Variants in DZIP1L observed in about 807,000 individuals in gnomAD.
The protein encoded by DZIP1L is cilium assembly protein DZIP1L.
In DZIP1L, 90 loss-of-function variants were observed where a neutral mutation model predicts 88.7. The ratio of observed to expected loss-of-function variants is 1.02; its 90% CI spans 0.86 to 1.21. The LOEUF is 1.21. DZIP1L is among the 50% of genes most tolerant of loss of function. DZIP1L has a pLI of 0.00. For synonymous variants in DZIP1L, 363 were observed against 372.1 expected (o/e 0.98, Z 0.28); for missense variants, 932 against 955.8 (o/e 0.98, Z 0.33).
At chr3:138,086,573 C>T (rs547649628) in intron 7 of DZIP1L, among the ~76,000 whole-genome samples, 5 of 152,298 alleles carry the variant, frequency 3.3e-5, no homozygotes, top group South Asian at 4.1e-4. Context: ...CTGAGGCCCA[C>T]AGCCGCCTGG....
rs78678812 is a variant in DZIP1L, at chr3:138,096,591, T to C, written c.586+1172A>G. 9.8e-3 allele frequency among the ~76,000 whole-genome samples: 1,499 copies of C among 152,374 alleles called. 20 individuals are homozygous for C. Among genetic ancestry groups the C allele is most frequent in the African/African-American group, 0.034 (1,408 of 41,578 alleles). ...ACACCAAAATATTAACTGCTGGTGA[T>C]ACCATCCATGGTTTTTATTTTCTCT... On this transcript the variant is annotated intron_variant, in intron 3 of 15. Coordinates refer to ENST00000327532, the MANE Select transcript of DZIP1L (RefSeq NM_173543.3).
At chr3:138,069,419 C>G (rs921194711) in intron 12 of DZIP1L, among the ~76,000 whole-genome samples, 1 of 152,132 alleles carries the variant, frequency 6.6e-6, no homozygotes, top group African/African-American at 2.4e-5. Flanking sequence ...AAAAGTTACA[C>G]GCAAATTTTC....
rs540709843 is a variant in DZIP1L, at chr3:138,073,866, G to A, written c.1423-2031C>T. On this transcript the variant is annotated intron_variant, in intron 11 of 15. Coordinates refer to ENST00000327532, the MANE Select transcript of DZIP1L (RefSeq NM_173543.3). The stretch of plus-strand genomic sequence containing the variant: ...TTTAGTGAAATAGCATAAATAAAAA[G>A]TTATCACAACTTCTGGAAATCAAAA... 5.2e-4 allele frequency among the ~76,000 whole-genome samples: 79 copies of A among 152,166 alleles called. 1 individual carries two copies. The highest frequency in any genetic ancestry group is 4.8e-3 in the Admixed American group (73 of 15,264).
intron 2 of DZIP1L, among the ~76,000 whole-genome samples, chr3:138,100,741 G>A (rs968881613): frequency 1.4e-4 from 22 of 152,192 alleles, no homozygotes; most frequent in African/African-American, 4.8e-4. Flanking sequence ...CCATCCATCC[G>A]TAAACTATGA....
intron 2 of DZIP1L, among the ~76,000 whole-genome samples, chr3:138,100,547 G>A (rs1369896958): frequency 6.6e-6 from 1 of 152,208 alleles, no homozygotes; most frequent in African/African-American, 2.4e-5. Context: ...AGGAGGCCCA[G>A]GTATCTGAAG....
At chr3:138,101,463 G>A in intron 2 of DZIP1L, 1 of 752,266 alleles carries the variant, frequency 1.3e-6, no homozygotes, top group East Asian at 2.4e-5. Context: ...GGCTGGGAGG[G>A]GCTGCCACAG....
chr3:138,067,972 G>T (rs1942989465), intron 13 of DZIP1L, among the ~76,000 whole-genome samples, 179 bp downstream of exon 13: 1 of 152,178 alleles, frequency 6.6e-6, no homozygotes. Context: ...GTTTGTCTTG[G>T]CTGGGAGCAC....
Position 138,080,597 on chromosome 3 carries a change from C to T in DZIP1L, c.1258G>A (p.Val420Met). Residue 420 changes from valine to methionine, a missense_variant, in exon 10 of 16, where the codon GTG becomes ATG. Transcript: ENST00000327532. Reference sequence around the variant, plus strand: ...TCTGGAGAGTCCTCCTCTGTGTCCACAGCCTTTGGCACCTTGTGGATCCCT... The same window carrying T: ...TCTGGAGAGTCCTCCTCTGTGTCCATAGCCTTTGGCACCTTGTGGATCCCT... ...VEGIHKVPKA[V>M]DTEEDSPEEE... 1 of 1,613,806 alleles carries T rather than the reference C, an allele frequency of 6.2e-7. No individual in the cohort carries two copies.
chr3:138,103,434 G>A, intron 2 of DZIP1L, 37 bp downstream of exon 2: 1 of 1,561,332 alleles, frequency 6.4e-7, no homozygotes, highest in Non-Finnish European at 8.7e-7. Flanking sequence ...GGGGCACACA[G>A]CCCTCCCACT....
intron 11 of DZIP1L, among the ~76,000 whole-genome samples, chr3:138,077,034 AC>A (rs1943445919): frequency 1.3e-5 from 2 of 152,300 alleles, no homozygotes; most frequent in African/African-American, 4.8e-5. Context: ...AAAAAAAAAA[AC>A]AAATAATTGG....
At chr3:138,107,456 T>C (rs1435677687) in intron 1 of DZIP1L, among the ~76,000 whole-genome samples, 5 of 152,252 alleles carry the variant, frequency 3.3e-5, no homozygotes, top group African/African-American at 1.2e-4. Flanking sequence ...GACTTGATAT[T>C]GGACTTAAGC....
chr3:138,062,160 A>C lies in DZIP1L; in HGVS notation c.*656T>G, dbSNP rs1576423429. Reference sequence around the variant, plus strand: ...AGCCAAGTGGCCATCCTCCCTTCCCACCCATGAGTAGGCCTGCCACATATC... The same window carrying C: ...AGCCAAGTGGCCATCCTCCCTTCCCCCCCATGAGTAGGCCTGCCACATATC... On this transcript the variant is annotated 3_prime_UTR_variant, in exon 16 of 16. Coordinates refer to ENST00000327532, the MANE Select transcript of DZIP1L (RefSeq NM_173543.3). 1 of 152,358 alleles carries C rather than the reference A, an allele frequency of 6.6e-6. No homozygotes were observed. The allele number at this position is 152,358 out of a possible 1,614,324, so 9.4% of individuals were successfully genotyped here.
chr3:138,109,208 C>T (rs79537489), intron 1 of DZIP1L, among the ~76,000 whole-genome samples: 4,423 of 152,318 alleles, frequency 0.029, 228 homozygotes, highest in African/African-American at 0.1. Context: ...CACACTTTCA[C>T]ACTTCTGGGC....
chr3:138,097,672 T>C lies in DZIP1L; in HGVS notation c.586+91A>G, dbSNP rs1165271646. On this transcript the variant is annotated intron_variant, in intron 3 of 15. Coordinates refer to ENST00000327532, the MANE Select transcript of DZIP1L (RefSeq NM_173543.3). ...GGACAGTGAGGTTCTGAGAGCAGTTTTGGGTGCTATAGGTGGTCACCACCC... is the reference window on the plus strand; with the variant it reads ...GGACAGTGAGGTTCTGAGAGCAGTTCTGGGTGCTATAGGTGGTCACCACCC... The C allele has an allele frequency of 2.5e-6, 3 of 1,192,428 alleles. No homozygotes were observed. The East Asian group carries it at 7.7e-5, about 31-fold the overall frequency. 73.9% of individuals were successfully genotyped at this position (1,192,428 alleles called of 1,614,324 possible).
At chr3:138,069,729 C>G (rs1327956337) in intron 12 of DZIP1L, among the ~76,000 whole-genome samples, 4 of 152,158 alleles carry the variant, frequency 2.6e-5, no homozygotes, top group East Asian at 1.9e-4. Context: ...GAATACAAAC[C>G]CAGGTTGTCT....
intron 1 of DZIP1L, among the ~76,000 whole-genome samples, chr3:138,105,820 T>C (rs907462918): frequency 6.6e-6 from 1 of 152,160 alleles, no homozygotes; most frequent in Admixed American, 6.5e-5. Flanking sequence ...TTATAATTCA[T>C]ATGTATGATT....
chr3:138,062,678 C>G lies in DZIP1L; in HGVS notation c.*138G>C. On this transcript the variant is annotated 3_prime_UTR_variant, in exon 16 of 16. Transcript: ENST00000327532. The stretch of plus-strand genomic sequence containing the variant: ...CAGGAGGGATGAGATCATATCCATT[C>G]CCTGCACTGCTTCTCTCCAAGAGGA... 1 of 1,032,226 alleles carries G rather than the reference C, an allele frequency of 9.7e-7. No individual in the cohort carries two copies. Among genetic ancestry groups the G allele is most frequent in the Non-Finnish European group, 1.4e-6 (1 of 701,180 alleles). 63.9% of individuals were successfully genotyped at this position (1,032,226 alleles called of 1,614,324 possible).
chr3:138,103,831 G>A lies in DZIP1L; in HGVS notation c.141C>T (p.Ala47=). Residue 47 remains alanine, a synonymous_variant, in exon 2 of 16, where the codon GCC becomes GCT. Transcript: ENST00000327532. ...GCAGAGTGGCCACATCCAGTTCCCGGGCCACGCGGTCTACATCCAGGGTGC... is the reference window on the plus strand; with the variant it reads ...GCAGAGTGGCCACATCCAGTTCCCGAGCCACGCGGTCTACATCCAGGGTGC... ...RISTLDVDRV[A]RELDVATLQE... 6.2e-7 allele frequency: 1 copy of A among 1,614,186 alleles called. No individual in the cohort carries two copies. The highest frequency in any genetic ancestry group is 8.5e-7 in the Non-Finnish European group (1 of 1,180,046).
chr3:138,092,495 T>G lies in DZIP1L; in HGVS notation c.758A>C (p.Asp253Ala). 1.2e-6 allele frequency: 2 copies of G among 1,603,150 alleles called. No homozygotes were observed. Among genetic ancestry groups the G allele is most frequent in the Non-Finnish European group, 1.7e-6 (2 of 1,176,862 alleles). ...GGTCCACTCTTGCTCTTTCCATTTA[T>G]CAAATTCTTTCTTAGCTTCTATTTC... ...QREIEAKKEFDKWKEQEWTKL... is the reference protein window; with the variant it reads ...QREIEAKKEFAKWKEQEWTKL... The change falls in exon 5 of 16, where the codon GAT (aspartate) becomes GCT (alanine). Residue 253 changes from aspartate to alanine, a missense_variant. Coordinates refer to ENST00000327532, the MANE Select transcript of DZIP1L (RefSeq NM_173543.3).
Sources: allele counts gnomAD v4.1 joint callset (sites outside exome capture counted in the v4.1 genomes callset), GRCh38; gene constraint gnomAD v4.1.1; transcripts MANE v1.5; gene names NCBI Gene and HGNC (gene_info 2026-07-23, HGNC 2026-07-21).